Variants in DHRS12 observed in about 807,000 individuals in gnomAD.
DHRS12 encodes the protein dehydrogenase/reductase SDR family member 12.
DHRS12 carries 29 observed loss-of-function variants against 32.1 expected under a neutral mutation model. The observed-to-expected ratio is 0.90, with a 90% CI of 0.67 to 1.23. The LOEUF (loss-of-function observed/expected upper bound fraction) is 1.23, where lower values mean the gene tolerates loss of function less well. Among genes scored for constraint, DHRS12 ranks in the 50% most tolerant of loss-of-function variants. The probability of loss-of-function intolerance (pLI) is 0.00; values close to 1 mark genes in which losing one functional copy is unlikely to be tolerated. For missense variants in DHRS12, 330 were observed against 337.2 expected (o/e 0.98, Z 0.17); for synonymous variants, 150 against 135.9 (o/e 1.10, Z -0.72).
intron 4 of DHRS12, 97 bp from the exon 5 acceptor site, chr13:51,777,218 C>G: frequency 7.0e-7 from 1 of 1,430,364 alleles, no homozygotes; most frequent in Non-Finnish European, 9.8e-7. Context: ...CCGCACCCGC[C>G]CCCCACAAGA....
In DHRS12 at chr13:51,769,189, CG is replaced by C. The variant is rs1953894358; in HGVS notation, c.663del (p.Ala222GlnfsTer73). 4 of 1,557,446 alleles carry C rather than the reference CG, an allele frequency of 2.6e-6. No homozygotes were observed. On this transcript the variant is annotated frameshift_variant, in exon 8 of 9. Transcript: ENST00000444610. LOFTEE classifies it low-confidence loss of function (END_TRUNC). ...AAGCGGCCGCTGGGCTGTGCGGCTGCGGCAGAGGAGAGGGCCAGCCACAGCA... is the reference window on the plus strand; with the variant it reads ...AAGCGGCCGCTGGGCTGTGCGGCTGCGCAGAGGAGAGGGCCAGCCACAGCA... The part of the protein sequence containing the change: ...DTMLWLALSS[A>X]AAAQPSGRFF...
intron 1 of DHRS12, among the ~76,000 whole-genome samples, chr13:51,800,697 T>C (rs1463008425): frequency 2.0e-5 from 3 of 152,258 alleles, no homozygotes; most frequent in African/African-American, 7.2e-5. Flanking sequence ...GCCAGTTACA[T>C]GCTCTGGAAC....
At chr13:51,785,012 G>C (rs537941689) in intron 4 of DHRS12, among the ~76,000 whole-genome samples, 1 of 152,314 alleles carries the variant, frequency 6.6e-6, no homozygotes, top group East Asian at 1.9e-4. Flanking sequence ...TGGATCACCT[G>C]AAGTCAGGAG....
the DHRS12 span, chr13:51,760,038 G>C: frequency 1.1e-5 from 4 of 361,866 alleles, no homozygotes; most frequent in African/African-American, 2.1e-5. Context: ...TGTTTTGAGT[G>C]TACCGAAAAA....
intron 3 of DHRS12, 67 bp from the exon 4 acceptor site, chr13:51,790,159 C>T: frequency 3.2e-6 from 4 of 1,238,828 alleles, no homozygotes; most frequent in South Asian, 1.4e-5. Context: ...TCCATCCCCA[C>T]ACCTCCACTA....
intron 2 of DHRS12, among the ~76,000 whole-genome samples, chr13:51,797,418 A>C (rs529491830): frequency 6.6e-6 from 1 of 152,294 alleles, no homozygotes; most frequent in South Asian, 2.1e-4. Flanking sequence ...AGCTCTCATC[A>C]AGACCCAAAT....
chr13:51,770,461 A>G (rs1953958834), intron 7 of DHRS12, among the ~76,000 whole-genome samples: 1 of 152,182 alleles, frequency 6.6e-6, no homozygotes, highest in African/African-American at 2.4e-5. Flanking sequence ...GTGTCCTTGG[A>G]GGGTAAGAGG....
At chr13:51,759,289 C>T in the DHRS12 span, among the ~76,000 whole-genome samples, 3 of 152,204 alleles carry the variant, frequency 2.0e-5, no homozygotes, top group Non-Finnish European at 4.4e-5. Context: ...GGAAAGGACA[C>T]AGCACGTGCT....
At chr13:51,770,473 TG>T (rs1215325956) in intron 7 of DHRS12, among the ~76,000 whole-genome samples, 1 of 152,198 alleles carries the variant, frequency 6.6e-6, no homozygotes, top group Non-Finnish European at 1.5e-5. Context: ...GGTAAGAGGC[TG>T]GGGGCCCCCC....
intron 2 of DHRS12, among the ~76,000 whole-genome samples, chr13:51,798,087 T>C (rs183985760): frequency 1.4e-3 from 211 of 152,268 alleles, no homozygotes; most frequent in Non-Finnish European, 2.4e-3. Flanking sequence ...TGGAACCTTA[T>C]TGCCTACCTG....
chr13:51,791,616 G>A (rs983476582), intron 2 of DHRS12, among the ~76,000 whole-genome samples: 1 of 150,664 alleles, frequency 6.6e-6, no homozygotes, highest in African/African-American at 2.5e-5. Flanking sequence ...ATTTTATTGT[G>A]ATAAGGATAC....
chr13:51,772,005 A>G (rs758083283), intron 6 of DHRS12, 94 bp from the exon 7 acceptor site: 16 of 1,207,494 alleles, frequency 1.3e-5, no homozygotes, highest in Non-Finnish European at 1.7e-5. Flanking sequence ...GGCTTATCTT[A>G]CACTGGACTC....
chr13:51,791,113 G>C lies in DHRS12; in HGVS notation c.219+52C>G, dbSNP rs529261486. ...ACATATCCGTCCACATCCACAGACG[G>C]AAACAATGGGCCAACATGAATTTAT... On this transcript the variant is annotated intron_variant, in intron 3 of 8. Transcript: ENST00000444610. 77 of 1,335,612 alleles carry C rather than the reference G, an allele frequency of 5.8e-5. No homozygotes were observed. In the Middle Eastern group the frequency reaches 1.5e-3, roughly 26 times the overall value. 82.7% of individuals were successfully genotyped at this position (1,335,612 alleles called of 1,614,324 possible).
chr13:51,800,384 G>C (rs1211349567), intron 1 of DHRS12, among the ~76,000 whole-genome samples: 1 of 152,160 alleles, frequency 6.6e-6, no homozygotes, highest in Non-Finnish European at 1.5e-5. Flanking sequence ...TTCCTTTTGC[G>C]ATACCTCTCT....
chr13:51,756,253 CT>C, the DHRS12 span: 1 of 1,538,950 alleles, frequency 6.5e-7, no homozygotes, highest in African/African-American at 1.4e-5. Flanking sequence ...TTACACCTCT[CT>C]GCCAGGAGGG....
In DHRS12 at chr13:51,799,589, G is replaced by A; in HGVS notation, c.71C>T (p.Ser24Leu). The change falls in exon 2 of 9, where the codon TCA becomes TTA. Residue 24 changes from serine to leucine, a missense_variant. Ser to Leu is a moderately radical substitution (Grantham distance 145). Coordinates refer to ENST00000444610, the MANE Select transcript of DHRS12 (RefSeq NM_001377533.1). ...RSRFLEESFW[S>L]LEETAALAKQ... Reference sequence around the variant, plus strand: ...TGCCAATGCCGCTGTTTCCTCCAGTGACCAAAAAGACTCTTCCAGGAATCT... The same window carrying A: ...TGCCAATGCCGCTGTTTCCTCCAGTAACCAAAAAGACTCTTCCAGGAATCT... 1 of 1,614,110 alleles carries A rather than the reference G, an allele frequency of 6.2e-7. No individual in the cohort carries two copies. Among genetic ancestry groups the A allele is most frequent in the Non-Finnish European group, 8.5e-7 (1 of 1,180,010 alleles).
Position 51,768,100 on chromosome 13 carries a change from G to T in DHRS12, c.*87C>A. ...ACAACGTCTTCGAGGGGAAGTTGAAGTGGGGTCTTCTTATTCACTGGTCCC... is the reference window on the plus strand; with the variant it reads ...ACAACGTCTTCGAGGGGAAGTTGAATTGGGGTCTTCTTATTCACTGGTCCC... On this transcript the variant is annotated 3_prime_UTR_variant, in exon 9 of 9. Coordinates refer to ENST00000444610, the MANE Select transcript of DHRS12 (RefSeq NM_001377533.1). 6.6e-7 allele frequency: 1 copy of T among 1,505,590 alleles called. No homozygotes were observed. The highest frequency in any genetic ancestry group is 2.5e-5 in the East Asian group (1 of 40,588). The allele number at this position is 1,505,590 out of a possible 1,614,324, so 93.3% of individuals were successfully genotyped here.
At chr13:51,768,684 G>A in intron 8 of DHRS12, 11 of 1,128,660 alleles carry the variant, frequency 9.7e-6, no homozygotes, top group Non-Finnish European at 1.2e-5. Context: ...GTCAAGTGCT[G>A]TCTTCGGATG....
chr13:51,758,140 C>T, the DHRS12 span: 5 of 1,426,496 alleles, frequency 3.5e-6, no homozygotes, highest in African/African-American at 2.8e-5. Context: ...AGATCTCTCT[C>T]ATTCATATGT....
Sources: allele counts gnomAD v4.1 joint callset (sites outside exome capture counted in the v4.1 genomes callset), GRCh38; gene constraint gnomAD v4.1.1; transcripts MANE v1.5; gene names NCBI Gene and HGNC (gene_info 2026-07-23, HGNC 2026-07-21).